Variants in GLI3 observed in about 807,000 individuals in gnomAD.
The protein encoded by GLI3 is transcription activator GLI3.
A neutral mutation model predicts 100.8 loss-of-function variants in GLI3; 20 were observed. That is an observed-to-expected ratio of 0.20 (90% CI 0.14 to 0.29). GLI3 has a LOEUF of 0.29. Ranked by LOEUF, GLI3 falls within the 10% of genes least tolerant of loss-of-function variation. GLI3 has a pLI of 1.00. For synonymous variants in GLI3, 938 were observed against 860.5 expected (o/e 1.09, Z -1.58); for missense variants, 2,040 against 2,128.5 (o/e 0.96, Z 0.82).
intron 2 of GLI3, among the ~76,000 whole-genome samples, chr7:42,186,395 A>G (rs1483356508): frequency 1.3e-5 from 2 of 152,224 alleles, no homozygotes; most frequent in Non-Finnish European, 2.9e-5. Context: ...GCAGGTACCC[A>G]TGAGAGACTC....
intron 3 of GLI3, chr7:42,145,516 C>CTT (rs1366702100): frequency 5.0e-6 from 2 of 397,682 alleles, no homozygotes; most frequent in East Asian, 3.6e-5. Context: ...GTGCACAGCT[C>CTT]TAACGACACC....
intron 10 of GLI3, among the ~76,000 whole-genome samples, chr7:42,020,004 A>G (rs896305710): frequency 3.3e-5 from 5 of 152,218 alleles, no homozygotes; most frequent in African/African-American, 1.2e-4. Flanking sequence ...ATACTGCTGG[A>G]AAGAGAAATT....
At chr7:41,989,341 A>G (rs1729389099) in intron 10 of GLI3, among the ~76,000 whole-genome samples, 1 of 152,212 alleles carries the variant, frequency 6.6e-6, no homozygotes, top group Admixed American at 6.5e-5. Context: ...TCCAGCAAAC[A>G]TGGTAAGAGC....
chr7:42,096,372 G>C (rs1375146577), intron 3 of GLI3, among the ~76,000 whole-genome samples: 4 of 152,218 alleles, frequency 2.6e-5, no homozygotes. Flanking sequence ...GAGAGTACAG[G>C]AACGGGCTGG....
At chr7:42,148,176 C>G (rs760464810) in intron 3 of GLI3, 50 bp downstream of exon 3, 6 of 1,498,204 alleles carry the variant, frequency 4.0e-6, no homozygotes, top group Non-Finnish European at 4.5e-6. Flanking sequence ...CACACACACA[C>G]AGCCCTCCCC....
intron 1 of GLI3, among the ~76,000 whole-genome samples, chr7:42,252,230 C>G (rs1789040334): frequency 6.6e-6 from 1 of 152,100 alleles, no homozygotes; most frequent in African/African-American, 2.4e-5. Context: ...TCTTAGCAAA[C>G]TAATGCAGGA....
At chr7:42,231,756 C>T (rs1788699922) in intron 1 of GLI3, among the ~76,000 whole-genome samples, 1 of 152,174 alleles carries the variant, frequency 6.6e-6, no homozygotes, top group Admixed American at 6.5e-5. Context: ...AATAATAGGG[C>T]TTAACTATCT....
intron 2 of GLI3, among the ~76,000 whole-genome samples, chr7:42,169,093 C>T (rs1365741596): frequency 6.6e-6 from 1 of 152,134 alleles, no homozygotes. Flanking sequence ...TCCTTTTCTA[C>T]ATGCATATTC....
intron 2 of GLI3, among the ~76,000 whole-genome samples, chr7:42,205,218 C>T (rs1032112426): frequency 3.9e-4 from 60 of 152,240 alleles, no homozygotes; most frequent in African/African-American, 1.2e-3. Flanking sequence ...ATACCATGTA[C>T]GGAACTGAGA....
chr7:42,230,555 A>T (rs1011808857), intron 1 of GLI3, among the ~76,000 whole-genome samples: 2 of 152,242 alleles, frequency 1.3e-5, no homozygotes, highest in Non-Finnish European at 2.9e-5. Flanking sequence ...AATCATTGCT[A>T]CTGCAGTTAA....
rs934450424 is a variant in GLI3, at chr7:42,120,240, GCA to G, written c.367+27984_367+27985del. Among the ~76,000 whole-genome samples the G allele has an allele frequency of 3.9e-5, 6 of 152,182 alleles. 1 individual carries two copies. The highest frequency in any genetic ancestry group is 3.3e-4 in the Admixed American group (5 of 15,282). On this transcript the variant is annotated intron_variant, in intron 3 of 14. Transcript: ENST00000395925. ...TACAAATTGTTAAGGTGCAATTTGTGCACAGTTAGTTCTTTGTTTAATCGAGA... is the reference window on the plus strand; with the variant it reads ...TACAAATTGTTAAGGTGCAATTTGTGCAGTTAGTTCTTTGTTTAATCGAGA...
rs113494168 is a variant in GLI3 at position 41,989,355 on chromosome 7, G to T, written c.1498-10607C>A. 3.8e-3 allele frequency among the ~76,000 whole-genome samples: 574 copies of T among 152,272 alleles called. 4 individuals are homozygous for T. The highest frequency in any genetic ancestry group is 0.013 in the African/African-American group (535 of 41,552). On this transcript the variant is annotated intron_variant, in intron 10 of 14. Coordinates refer to ENST00000395925, the MANE Select transcript of GLI3 (RefSeq NM_000168.6). Reference sequence around the variant, plus strand: ...ATCCAGCAAACATGGTAAGAGCCAAGGTTTCTGATTTGAGCTCTAGCCCCA... The same window carrying T: ...ATCCAGCAAACATGGTAAGAGCCAATGTTTCTGATTTGAGCTCTAGCCCCA...
chr7:42,239,317 T>C (rs1293897831), upstream of GLI3, among the ~76,000 whole-genome samples: 3 of 152,174 alleles, frequency 2.0e-5, no homozygotes, highest in Non-Finnish European at 4.4e-5. Context: ...GGGATAGTGT[T>C]AGGAGTGCCA....
intron 1 of GLI3, among the ~76,000 whole-genome samples, chr7:42,262,200 C>CCTTCCTCCCTTCCTTCCTTCCTTA: frequency 1.3e-5 from 1 of 74,772 alleles, no homozygotes; most frequent in Non-Finnish European, 3.1e-5. Flanking sequence ...TATTTTTTTT[C>CCTTCCTCCCTTCCTTCCTTCCTTA]CTTCCTTCTT....
chr7:42,154,410 T>C (rs545773559), intron 2 of GLI3, among the ~76,000 whole-genome samples: 160 of 152,338 alleles, frequency 1.1e-3, no homozygotes, highest in African/African-American at 3.4e-3. Context: ...GGCCCCACCC[T>C]CCTGTCCTGA....
chr7:42,144,215 G>A (rs1786645416), intron 3 of GLI3, among the ~76,000 whole-genome samples: 1 of 152,198 alleles, frequency 6.6e-6, no homozygotes, highest in African/African-American at 2.4e-5. Flanking sequence ...TACAGACAGA[G>A]CATGGGCAGA....
At position 41,964,898 on chromosome 7, in the gene GLI3, C is replaced by T. The variant is rs773316349; in HGVS notation, c.4175G>A (p.Ser1392Asn). 11 of 1,613,826 alleles carry T rather than the reference C, an allele frequency of 6.8e-6. No individual in the cohort carries two copies. The highest frequency in any genetic ancestry group is 9.3e-6 in the Non-Finnish European group (11 of 1,180,034). ...GYQPCASFGG[S>N]RRQAMPRDSL... The stretch of plus-strand genomic sequence containing the variant: ...GTCCCTCGGCATAGCCTGGCGCCTG[C>T]TGCCCCCAAAGCTGGCACATGGCTG... Residue 1392 changes from serine (S) to asparagine (N), a missense_variant, in exon 15 of 15, where the codon AGC (serine) becomes AAC (asparagine). This residue lies in a region of GLI3 where 1,041 missense variants were observed against 924.0 expected (regional missense o/e 1.13). Coordinates refer to ENST00000395925, the MANE Select transcript of GLI3 (RefSeq NM_000168.6).
chr7:42,107,648 T>G (rs1165869444), intron 3 of GLI3, among the ~76,000 whole-genome samples: 1 of 152,002 alleles, frequency 6.6e-6, no homozygotes, highest in Non-Finnish European at 1.5e-5. Context: ...AGGGTTTTTG[T>G]GAATGGATGG....
At chr7:41,996,626 A>C (rs1036096003) in intron 10 of GLI3, among the ~76,000 whole-genome samples, 1 of 152,198 alleles carries the variant, frequency 6.6e-6, no homozygotes, top group South Asian at 2.1e-4. Flanking sequence ...GGGTATGGGG[A>C]AAGAATTATC....
Sources: allele counts gnomAD v4.1 joint callset (sites outside exome capture counted in the v4.1 genomes callset), GRCh38; gene constraint gnomAD v4.1.1; regional missense constraint gnomAD v4.1.1; transcripts MANE v1.5; gene names NCBI Gene and HGNC (gene_info 2026-07-23, HGNC 2026-07-21).